ESR1: variants seen among roughly 807,000 people sequenced by gnomAD.
The protein encoded by ESR1 is estrogen receptor 1.
A neutral mutation model predicts 52.7 loss-of-function variants in ESR1; 12 were observed. That is an observed-to-expected ratio of 0.23 (90% CI 0.15 to 0.37). ESR1 has a LOEUF of 0.37. Ranked by LOEUF, ESR1 falls within the 10% of genes least tolerant of loss-of-function variation. ESR1 has a pLI of 1.00. For synonymous variants in ESR1, 305 were observed against 316.8 expected (o/e 0.96, Z 0.39); for missense variants, 584 against 779.7 (o/e 0.75, Z 2.99).
rs1396327703 is a variant in ESR1 at position 151,986,908 on chromosome 6, TGTGTGTGTGTGTGCACGCGAGCAC to T, written c.1097-24733_1097-24710del. Among the ~76,000 whole-genome samples the T allele has an allele frequency of 4.1e-4, 62 of 151,976 alleles. 1 individual carries two copies. Among genetic ancestry groups the T allele is most frequent in the Admixed American group, 4.1e-3 (62 of 15,256 alleles). ...CACGGAGTATGTGTGTGAGCATGTG[TGTGTGTGTGTGTGCACGCGAGCAC>T]GTGTGTGTGTGTGCGCGCCCATGGG... On this transcript the variant is annotated intron_variant, in intron 4 of 7. Transcript: ENST00000206249.
At chr6:152,020,063 C>T (rs1387032636) in intron 5 of ESR1, among the ~76,000 whole-genome samples, 2 of 152,224 alleles carry the variant, frequency 1.3e-5, no homozygotes, top group African/African-American at 4.8e-5. Flanking sequence ...CTAAGCAGGC[C>T]CTCACCAGCC....
At chr6:151,815,011 C>T (rs1351021355) in intron 1 of ESR1, among the ~76,000 whole-genome samples, 1 of 152,216 alleles carries the variant, frequency 6.6e-6, no homozygotes, top group South Asian at 2.1e-4. Context: ...AACAAAAACA[C>T]TCATTTCTGA....
At position 152,098,303 on chromosome 6, in the gene ESR1, T is replaced by C. The variant is rs550465546; in HGVS notation, c.1554-429T>C. Among the ~76,000 whole-genome samples the C allele has an allele frequency of 5.1e-4, 78 of 152,214 alleles. No homozygotes were observed. The South Asian group carries it at 0.016, about 30-fold the overall frequency. Reference sequence around the variant, plus strand: ...AACAATGGAGCGTCTTGAACTGCTTTACTCATTTAAAATACCCACTCCTGC... The same window carrying C: ...AACAATGGAGCGTCTTGAACTGCTTCACTCATTTAAAATACCCACTCCTGC... On this transcript the variant is annotated intron_variant, in intron 7 of 7. Transcript: ENST00000206249. This position sits in a 1 kb window ranked among gnomAD's most constrained non-coding sequence, Gnocchi z 5.1.
chr6:151,722,425 A>G (rs760932312), intron 2 of ESR1, among the ~76,000 whole-genome samples: 1 of 152,242 alleles, frequency 6.6e-6, no homozygotes, highest in Non-Finnish European at 1.5e-5. Context: ...AGCAGTGACA[A>G]TCAGAGAAAA....
chr6:152,008,734 G>A (rs2042531399), intron 4 of ESR1, among the ~76,000 whole-genome samples: 1 of 151,384 alleles, frequency 6.6e-6, no homozygotes, highest in Non-Finnish European at 1.5e-5. Flanking sequence ...GTTTCATCAT[G>A]GGTGGCAATA....
chr6:151,729,488 G>A (rs576185446), intron 2 of ESR1, among the ~76,000 whole-genome samples: 16 of 152,262 alleles, frequency 1.1e-4, no homozygotes, highest in African/African-American at 3.4e-4. Context: ...AGCAGAGTAC[G>A]CAGGGGAATT....
In ESR1 at chr6:151,703,695, G is replaced by T. The variant is rs562311237; in HGVS notation, c.-71+1690G>T. ...ACGAGTCTTCCATCTGGCTGAGGCT[G>T]AACAAAGTAGAAGAACCAGTGCAAG... On this transcript the variant is annotated intron_variant, in intron 2 of 2. Coordinates refer to the ESR1 transcript ENST00000404742. 3.9e-5 allele frequency among the ~76,000 whole-genome samples: 6 copies of T among 152,292 alleles called. No individual in the cohort carries two copies. The East Asian group carries it at 1.2e-3, about 29-fold the overall frequency.
exon 7 of ESR1, chr6:152,128,921 A>T (rs1197473713): frequency 6.6e-6 from 1 of 152,248 alleles, no homozygotes; most frequent in Non-Finnish European, 1.5e-5. Flanking sequence ...GTTCAACCAC[A>T]ACCTGTCTGT....
chr6:151,737,390 A>G (rs1782761064), intron 2 of ESR1, among the ~76,000 whole-genome samples: 1 of 152,206 alleles, frequency 6.6e-6, no homozygotes. Context: ...CAAGCAATGA[A>G]CAAAAGTTTT....
chr6:151,662,743 A>G (rs757746103), intron 1 of ESR1, among the ~76,000 whole-genome samples: 2 of 152,246 alleles, frequency 1.3e-5, no homozygotes, highest in Non-Finnish European at 2.9e-5. Flanking sequence ...TTACAACTGC[A>G]CTGCTTCTTA....
intron 5 of ESR1, among the ~76,000 whole-genome samples, chr6:152,038,447 C>T (rs1160771599): frequency 6.6e-6 from 1 of 152,152 alleles, no homozygotes; most frequent in Non-Finnish European, 1.5e-5. Flanking sequence ...CAAGTCCACA[C>T]CTTGTCAACT....
At chr6:151,693,854 G>C (rs574771023) in intron 1 of ESR1, among the ~76,000 whole-genome samples, 3 of 152,280 alleles carry the variant, frequency 2.0e-5, no homozygotes, top group African/African-American at 7.2e-5. Context: ...CTGACCTTAA[G>C]TGATCCACTC....
intron 1 of ESR1, among the ~76,000 whole-genome samples, chr6:151,836,374 A>G (rs374199067): frequency 2.9e-4 from 44 of 152,308 alleles, no homozygotes; most frequent in African/African-American, 8.9e-4. Flanking sequence ...CACGTCTTAC[A>G]TGGCAATAGA....
At chr6:152,088,117 C>A (rs553076153) in intron 6 of ESR1, among the ~76,000 whole-genome samples, 1 of 152,052 alleles carries the variant, frequency 6.6e-6, no homozygotes, top group Admixed American at 6.6e-5. Flanking sequence ...TATTTTATAA[C>A]CATCATATAA....
intron 1 of ESR1, among the ~76,000 whole-genome samples, chr6:151,832,854 C>T (rs1782670566): frequency 6.6e-6 from 1 of 152,100 alleles, no homozygotes; most frequent in South Asian, 2.1e-4. Context: ...TTTAGTCATT[C>T]CACAACCATC....
At chr6:151,759,801 A>G (rs1465049492) in intron 2 of ESR1, among the ~76,000 whole-genome samples, 4 of 152,320 alleles carry the variant, frequency 2.6e-5, no homozygotes, top group Non-Finnish European at 4.4e-5. Flanking sequence ...GACCTTCCTC[A>G]GGGGTCCTTC....
intron 5 of ESR1, among the ~76,000 whole-genome samples, chr6:152,027,216 C>A (rs2044226996): frequency 6.6e-6 from 1 of 152,146 alleles, no homozygotes; most frequent in Non-Finnish European, 1.5e-5. Flanking sequence ...TCCACCCCAT[C>A]AGTCTCCCAC....
At chr6:151,944,800 T>C (rs1376404061) in intron 4 of ESR1, among the ~76,000 whole-genome samples, 2 of 152,222 alleles carry the variant, frequency 1.3e-5, no homozygotes, top group East Asian at 3.8e-4. Context: ...ATGGTAAAAC[T>C]ATTTAATAGT....
At chr6:151,783,222 G>A (rs1264866474) in intron 2 of ESR1, among the ~76,000 whole-genome samples, 1 of 152,232 alleles carries the variant, frequency 6.6e-6, no homozygotes, top group Non-Finnish European at 1.5e-5. Context: ...CAGTGTCTAT[G>A]TGTAAAGTTG....
Sources: allele counts gnomAD v4.1 joint callset (sites outside exome capture counted in the v4.1 genomes callset), GRCh38; gene constraint gnomAD v4.1.1; non-coding constraint Gnocchi (gnomAD v3.1); transcripts MANE v1.5; gene names NCBI Gene and HGNC (gene_info 2026-07-23, HGNC 2026-07-21).